The following CACNA2D1 variants were observed in gnomAD, a reference collection of about 807,000 sequenced individuals.
CACNA2D1 encodes voltage-dependent calcium channel subunit alpha-2/delta-1.
CACNA2D1 carries 53 observed loss-of-function variants against 171.5 expected under a neutral mutation model. The observed-to-expected ratio is 0.31, with a 90% confidence interval of 0.25 to 0.39. The LOEUF (loss-of-function observed/expected upper bound fraction) is 0.39. CACNA2D1 is among the 10% of genes least tolerant of loss of function. CACNA2D1 has a pLI of 1.00. For synonymous variants in CACNA2D1, 442 were observed against 443.1 expected (o/e 1.00, Z 0.03); for missense variants, 903 against 1,299.8 (o/e 0.69, Z 4.69).
intron 10 of CACNA2D1, among the ~76,000 whole-genome samples, chr7:82,055,669 A>T (rs928418474): frequency 2.7e-5 from 4 of 148,240 alleles, no homozygotes; most frequent in African/African-American, 1.0e-4. Flanking sequence ...AAGGACAAAA[A>T]ACCAAACACT....
chr7:82,376,636 G>A (rs1417431706), intron 1 of CACNA2D1, among the ~76,000 whole-genome samples: 1 of 152,082 alleles, frequency 6.6e-6, no homozygotes, highest in African/African-American at 2.4e-5. Context: ...AAATTCATGT[G>A]GGTTAGAAGC....
chr7:82,137,707 TAAA>T lies in CACNA2D1; in HGVS notation c.355-1034_355-1032del, dbSNP rs1174278503. Among the ~76,000 whole-genome samples, 32 of 78,824 alleles carry T rather than the reference TAAA, an allele frequency of 4.1e-4. 1 individual carries two copies. The highest frequency in any genetic ancestry group is 6.3e-4 in the Non-Finnish European group (26 of 41,366). 51.7% of individuals were successfully genotyped at this position (78,824 alleles called of 152,430 possible). A position where few individuals can be genotyped will look rare whatever the true frequency, so the allele number is the denominator to read the frequency against. On this transcript the variant is annotated intron_variant, in intron 4 of 38. Coordinates refer to ENST00000356860, the MANE Select transcript of CACNA2D1 (RefSeq NM_000722.4). ...TAATACAGTGAAACTCCGTCTCTAC[TAAA>T]AAAAAAAAAAAAAAAAAAAATTAGC...
At chr7:82,420,797 A>G (rs1455202194) in intron 1 of CACNA2D1, among the ~76,000 whole-genome samples, 1 of 152,032 alleles carries the variant, frequency 6.6e-6, no homozygotes, top group Non-Finnish European at 1.5e-5. Context: ...TTCAATTCAG[A>G]ATGACAAAAA....
chr7:81,963,819 G>A (rs1414844660), intron 34 of CACNA2D1, among the ~76,000 whole-genome samples: 2 of 151,838 alleles, frequency 1.3e-5, no homozygotes, highest in Non-Finnish European at 2.9e-5. Context: ...ACTCTAAAGA[G>A]GCTGAAGTTT....
chr7:82,077,081 A>G (rs987247034), intron 7 of CACNA2D1, among the ~76,000 whole-genome samples: 4 of 152,242 alleles, frequency 2.6e-5, no homozygotes, highest in African/African-American at 9.6e-5. Flanking sequence ...ATTGCAATCT[A>G]AATTTAAGAT....
chr7:82,213,741 CA>C (rs1800804068), intron 3 of CACNA2D1, among the ~76,000 whole-genome samples: 2 of 152,124 alleles, frequency 1.3e-5, no homozygotes, highest in African/African-American at 4.8e-5. Flanking sequence ...GCTGACTTGT[CA>C]CGCTGAAATT....
chr7:82,071,150 G>A (rs1029867435), intron 7 of CACNA2D1, among the ~76,000 whole-genome samples: 2 of 152,086 alleles, frequency 1.3e-5, no homozygotes, highest in Admixed American at 1.3e-4. Flanking sequence ...CAACTTTTGG[G>A]CTCTAAACCT....
chr7:81,947,612 A>C lies in CACNA2D1; in HGVS notation c.*2780T>G, dbSNP rs372822709. On this transcript the variant is annotated 3_prime_UTR_variant, in exon 39 of 39. Transcript: ENST00000356860. ...GAACTCTGTTTTAGTGACTAACTAC[A>C]CTAAGCCACATGAGTATAACAAAAA... 7.2e-5 allele frequency: 11 copies of C among 152,112 alleles called. No homozygotes were observed. The East Asian group carries it at 2.1e-3, about 29-fold the overall frequency. 9.4% of individuals were successfully genotyped at this position (152,112 alleles called of 1,614,324 possible). A position where few individuals can be genotyped will look rare whatever the true frequency, so the allele number is the denominator to read the frequency against.
At chr7:82,169,716 A>G (rs1795821456) in intron 4 of CACNA2D1, among the ~76,000 whole-genome samples, 1 of 152,014 alleles carries the variant, frequency 6.6e-6, no homozygotes, top group Non-Finnish European at 1.5e-5. Context: ...AAATGTGGGA[A>G]GGTAGAGGGC....
At chr7:82,386,783 A>T (rs911355141) in intron 1 of CACNA2D1, among the ~76,000 whole-genome samples, 1 of 147,906 alleles carries the variant, frequency 6.8e-6, no homozygotes, top group Non-Finnish European at 1.5e-5. Context: ...AATAAATAAA[A>T]TAACTAATAC....
At chr7:82,145,635 A>G (rs1266997868) in intron 4 of CACNA2D1, among the ~76,000 whole-genome samples, 1 of 131,652 alleles carries the variant, frequency 7.6e-6, no homozygotes, top group Non-Finnish European at 1.6e-5. Context: ...TACATATAAA[A>G]ATTTTATATG....
At chr7:82,102,646 C>T (rs1335803391) in intron 6 of CACNA2D1, among the ~76,000 whole-genome samples, 3 of 152,068 alleles carry the variant, frequency 2.0e-5, no homozygotes, top group African/African-American at 7.2e-5. Flanking sequence ...TTTCATTCAA[C>T]GAAGGAACTT....
chr7:82,138,102 A>ATAAC (rs1422886204), intron 4 of CACNA2D1, among the ~76,000 whole-genome samples: 2 of 152,212 alleles, frequency 1.3e-5, no homozygotes, highest in African/African-American at 4.8e-5. Flanking sequence ...GAGACAATGT[A>ATAAC]TAACTGTACA....
In CACNA2D1 at chr7:82,335,154, T is replaced by C; in HGVS notation, c.275A>G (p.Asn92Ser). 6.2e-7 allele frequency: 1 copy of C among 1,607,946 alleles called. No homozygotes were observed. The highest frequency in any genetic ancestry group is 8.5e-7 in the Non-Finnish European group (1 of 1,174,472). The change falls in exon 3 of 39, where the codon AAC becomes AGC. Residue 92 changes from asparagine (N) to serine (S), a missense_variant. Physicochemically the swap from Asn to Ser is conservative, Grantham distance 46. Around this residue, in one of 5 missense-constraint regions of CACNA2D1, gnomAD observed 189 missense variants for 266.8 expected, o/e 0.71. Transcript: ENST00000356860. ...ACTCACCACCAGGGCTTTAGATCTG[T>C]TGCTCAGAAGTTTCTCAATATCCCT... Reference protein sequence around the residue: ...AARDIEKLLSNRSKALVRLAL... With the variant: ...AARDIEKLLSSRSKALVRLAL...
intron 3 of CACNA2D1, among the ~76,000 whole-genome samples, chr7:82,193,448 G>T (rs1798541442): frequency 6.6e-6 from 1 of 151,908 alleles, no homozygotes; most frequent in Non-Finnish European, 1.5e-5. Flanking sequence ...AATCTTTTGA[G>T]ATGCGTGGGT....
At chr7:82,175,674 GT>G (rs1796479063) in intron 3 of CACNA2D1, among the ~76,000 whole-genome samples, 1 of 151,998 alleles carries the variant, frequency 6.6e-6, no homozygotes, top group Non-Finnish European at 1.5e-5. Context: ...ACATGCACTG[GT>G]AAATCAGACA....
At chr7:82,442,710 T>C (rs1054525761) in intron 1 of CACNA2D1, among the ~76,000 whole-genome samples, 3 of 152,206 alleles carry the variant, frequency 2.0e-5, no homozygotes, top group Non-Finnish European at 4.4e-5. Flanking sequence ...AGGGACCGCG[T>C]GTCTGCCGAC....
chr7:82,075,600 T>C (rs1808867172), intron 7 of CACNA2D1, among the ~76,000 whole-genome samples: 1 of 152,290 alleles, frequency 6.6e-6, no homozygotes, highest in South Asian at 2.1e-4. Flanking sequence ...ATGACAATAA[T>C]GACATTGCTA....
chr7:82,300,909 T>C (rs1214940821), intron 3 of CACNA2D1, among the ~76,000 whole-genome samples: 2 of 152,172 alleles, frequency 1.3e-5, no homozygotes, highest in Non-Finnish European at 2.9e-5. Context: ...AAAACTAGGA[T>C]CTGTATTACT....
Sources: allele counts gnomAD v4.1 joint callset (sites outside exome capture counted in the v4.1 genomes callset), GRCh38; gene constraint gnomAD v4.1.1; regional missense constraint gnomAD v4.1.1; transcripts MANE v1.5; gene names NCBI Gene and HGNC (gene_info 2026-07-23, HGNC 2026-07-21).